Variants in EPB41L5 observed in about 807,000 individuals in gnomAD.
The protein encoded by EPB41L5 is erythrocyte membrane protein band 4.1 like 5, also known as band 4.1-like protein 5.
Under a neutral mutation model 106.6 loss-of-function variants are expected in EPB41L5, and 55 were observed. The observed-to-expected ratio is 0.52, with a 90% CI of 0.42 to 0.65. The LOEUF (loss-of-function observed/expected upper bound fraction) is 0.65, where lower values mean the gene tolerates loss of function less well. Among genes scored for constraint, EPB41L5 ranks in the 30% least tolerant of loss-of-function variants. EPB41L5 has a pLI of 0.00. For synonymous variants in EPB41L5, 297 were observed against 306.7 expected, an observed-to-expected ratio of 0.97 and a Z score of 0.33; for missense variants, 871 against 882.1, an observed-to-expected ratio of 0.99 and a Z score of 0.16.
chr2:120,076,606 A>G (rs1299045909), intron 7 of EPB41L5, among the ~76,000 whole-genome samples: 2 of 150,724 alleles, frequency 1.3e-5, no homozygotes, highest in East Asian at 1.9e-4. Context: ...AGCCTTAGTA[A>G]TATTCTTAAT....
In EPB41L5 at chr2:120,179,006, AGT is replaced by A. The variant is rs1182917115; in HGVS notation, c.*4104_*4105del. 6.6e-6 allele frequency: 1 copy of A among 152,202 alleles called. No homozygotes were observed. Among genetic ancestry groups the A allele is most frequent in the African/African-American group, 2.4e-5 (1 of 41,450 alleles). The allele number at this position is 152,202 out of a possible 1,614,324, so 9.4% of individuals were successfully genotyped here. A position where few individuals can be genotyped will look rare whatever the true frequency, so the allele number is the denominator to read the frequency against. On this transcript the variant is annotated 3_prime_UTR_variant, in exon 25 of 25. Coordinates refer to ENST00000263713, the MANE Select transcript of EPB41L5 (RefSeq NM_020909.4). Reference sequence around the variant, plus strand: ...TTTCTATCAAGTGCACTATTCATTTAGTGTGTTCCAGTTTTATATGACTTGTA... The same window carrying A: ...TTTCTATCAAGTGCACTATTCATTTAGTGTTCCAGTTTTATATGACTTGTA...
intron 24 of EPB41L5, among the ~76,000 whole-genome samples, chr2:120,170,355 G>A (rs2105569882): frequency 6.6e-6 from 1 of 152,330 alleles, no homozygotes; most frequent in East Asian, 1.9e-4. Context: ...CTGCTTCAGG[G>A]TCTCTCACAG....
At chr2:120,151,169 G>A (rs887286323) in intron 20 of EPB41L5, among the ~76,000 whole-genome samples, 6 of 151,964 alleles carry the variant, frequency 3.9e-5, no homozygotes, top group East Asian at 1.9e-4. Flanking sequence ...AAAATTAGCC[G>A]GGTGCCTGTA....
intron 2 of EPB41L5, among the ~76,000 whole-genome samples, chr2:120,022,547 G>A (rs1678010781): frequency 6.6e-6 from 1 of 152,268 alleles, no homozygotes; most frequent in African/African-American, 2.4e-5. Context: ...ATTCCATGGG[G>A]TATATGTGCC....
rs544081919 is a variant in EPB41L5 at position 120,136,472 on chromosome 2, A to T, written c.1599+4757A>T. Among the ~76,000 whole-genome samples, 33 of 143,144 alleles carry T rather than the reference A, an allele frequency of 2.3e-4. No individual in the cohort carries two copies. In the East Asian group the frequency reaches 5.8e-3, roughly 25 times the overall value. The allele number at this position is 143,144 out of a possible 152,430, so 93.9% of individuals were successfully genotyped here. A position where few individuals can be genotyped will look rare whatever the true frequency, so the allele number is the denominator to read the frequency against. On this transcript the variant is annotated intron_variant, in intron 18 of 24. Transcript: ENST00000263713. Reference sequence around the variant, plus strand: ...AAAACACAGAGTGGCTACATGGATTAAAAAAAAAAAAGCCCCCAATGATCA... The same window carrying T: ...AAAACACAGAGTGGCTACATGGATTTAAAAAAAAAAAGCCCCCAATGATCA...
At chr2:120,035,949 C>T (rs1239293010) in intron 2 of EPB41L5, among the ~76,000 whole-genome samples, 2 of 152,038 alleles carry the variant, frequency 1.3e-5, no homozygotes, top group Admixed American at 6.5e-5. Context: ...GTAATGGTGG[C>T]TGCAGTCTGG....
intron 2 of EPB41L5, among the ~76,000 whole-genome samples, chr2:120,029,235 G>A (rs1201958578): frequency 6.6e-6 from 1 of 152,038 alleles, no homozygotes; most frequent in African/African-American, 2.4e-5. Flanking sequence ...CATGATCTTG[G>A]CTCACTGCAA....
intron 2 of EPB41L5, among the ~76,000 whole-genome samples, chr2:120,033,708 C>CAA (rs3084761): frequency 3.1e-4 from 30 of 97,346 alleles, no homozygotes; most frequent in Admixed American, 8.9e-4. Flanking sequence ...AACTCCATCT[C>CAA]AAAAAAAAAA....
chr2:120,075,881 G>A (rs1682199336), intron 7 of EPB41L5, 128 bp downstream of exon 7: 1 of 735,758 alleles, frequency 1.4e-6, no homozygotes, highest in South Asian at 1.7e-5. Flanking sequence ...CTTGTATCAG[G>A]GTCCAACTCT....
chr2:120,118,155 T>TCTCAGATCCATTTTGAAA (rs1478807725), intron 16 of EPB41L5, among the ~76,000 whole-genome samples: 2 of 152,140 alleles, frequency 1.3e-5, no homozygotes, highest in African/African-American at 4.8e-5. Flanking sequence ...TACATTTGAA[T>TCTCAGATCCATTTTGAAA]CTCAGATCCA....
intron 2 of EPB41L5, among the ~76,000 whole-genome samples, chr2:120,038,157 A>G (rs892569877): frequency 1.3e-5 from 2 of 152,210 alleles, no homozygotes; most frequent in Non-Finnish European, 2.9e-5. Context: ...CAGAATATAT[A>G]AAGAACTCCT....
chr2:120,090,307 A>C lies in EPB41L5; in HGVS notation c.874-40A>C, dbSNP rs879719916. On this transcript the variant is annotated intron_variant, in intron 11 of 24. Transcript: ENST00000263713. ...CAGAAATAGGAGATAGGACTGTTTG[A>C]ATTAGTAATCATCCTTTTATATATA... 5 of 1,514,280 alleles carry C rather than the reference A, an allele frequency of 3.3e-6. No homozygotes were observed. The Admixed American group carries it at 8.2e-5, about 25-fold the overall frequency. The allele number at this position is 1,514,280 out of a possible 1,614,324, so 93.8% of individuals were successfully genotyped here.
intron 16 of EPB41L5, among the ~76,000 whole-genome samples, chr2:120,114,416 G>T (rs113508099): frequency 6.6e-6 from 1 of 152,260 alleles, no homozygotes; most frequent in African/African-American, 2.4e-5. Context: ...TTAAAAATAG[G>T]CTTTGTGTTA....
intron 16 of EPB41L5, among the ~76,000 whole-genome samples, chr2:120,123,803 G>A (rs991559878): frequency 4.6e-5 from 7 of 151,670 alleles, no homozygotes; most frequent in Non-Finnish European, 7.4e-5. Flanking sequence ...GACTACAGGC[G>A]TGTGCCACCA....
intron 19 of EPB41L5, among the ~76,000 whole-genome samples, chr2:120,144,352 C>T (rs999378777): frequency 1.3e-5 from 2 of 152,166 alleles, no homozygotes; most frequent in Admixed American, 6.5e-5. Flanking sequence ...TCTCAGCCCC[C>T]AGAACTGTGA....
Position 120,086,305 on chromosome 2 carries a change from G to A in EPB41L5, c.804-866G>A, listed in dbSNP as rs138603146. Among the ~76,000 whole-genome samples the A allele has an allele frequency of 6.9e-4, 105 of 152,158 alleles. No individual in the cohort carries two copies. The Middle Eastern group carries it at 0.02, about 30-fold the overall frequency. On this transcript the variant is annotated intron_variant, in intron 10 of 24. Coordinates refer to ENST00000263713, the MANE Select transcript of EPB41L5 (RefSeq NM_020909.4). ...TGTTATATTTAAAGATTAGTCAATC[G>A]GAGTGTCACATTGTTTCGACATTCA...
chr2:120,027,897 A>T (rs1473605874), intron 2 of EPB41L5, among the ~76,000 whole-genome samples: 1 of 151,286 alleles, frequency 6.6e-6, no homozygotes, highest in Non-Finnish European at 1.5e-5. Context: ...ATGGAGTTTC[A>T]CTCTTGTTAG....
intron 16 of EPB41L5, chr2:120,104,057 C>G: frequency 1.3e-6 from 2 of 1,531,510 alleles, no homozygotes; most frequent in Non-Finnish European, 1.7e-6. Context: ...CCCAACCATC[C>G]AGGCTCTCTG....
At chr2:120,140,876 AT>A (rs1686144392) in intron 18 of EPB41L5, among the ~76,000 whole-genome samples, 1 of 152,110 alleles carries the variant, frequency 6.6e-6, no homozygotes, top group African/African-American at 2.4e-5. Flanking sequence ...TGCTTAAGGA[AT>A]GCAAATTAAT....
Sources: allele counts gnomAD v4.1 joint callset (sites outside exome capture counted in the v4.1 genomes callset), GRCh38; gene constraint gnomAD v4.1.1; transcripts MANE v1.5; gene names NCBI Gene and HGNC (gene_info 2026-07-23, HGNC 2026-07-21).